The following STK32A variants were observed in gnomAD, a reference collection of about 807,000 sequenced individuals.
The protein encoded by STK32A is serine/threonine kinase 32A.
Under a neutral mutation model 53.2 loss-of-function variants are expected in STK32A, and 41 were observed. The observed-to-expected ratio is 0.77, with a 90% CI of 0.60 to 1.00. The LOEUF is 1.00. Among genes scored for constraint, STK32A ranks in the 50% least tolerant of loss-of-function variants. STK32A has a pLI of 0.00. For synonymous variants in STK32A, 166 were observed against 162.8 expected (o/e 1.02, Z -0.15); for missense variants, 458 against 485.8 (o/e 0.94, Z 0.54).
chr5:147,348,631 G>C (rs951907556), intron 6 of STK32A: 2 of 742,496 alleles, frequency 2.7e-6, no homozygotes, highest in Non-Finnish European at 5.0e-6. Flanking sequence ...GCAGACTAAA[G>C]TAGACAGTTG....
the STK32A span, among the ~76,000 whole-genome samples, chr5:147,394,693 A>AAG: frequency 6.6e-6 from 1 of 150,546 alleles, no homozygotes; most frequent in African/African-American, 2.4e-5. Context: ...AAAAAAAAAA[A>AAG]GGCAAAAACT....
chr5:147,352,211 C>G (rs1463635442), intron 7 of STK32A, among the ~76,000 whole-genome samples: 1 of 152,110 alleles, frequency 6.6e-6, no homozygotes, highest in East Asian at 1.9e-4. Context: ...GACTCTGTCT[C>G]TAAAAACAAA....
chr5:147,374,053 A>G (rs1468515393), intron 10 of STK32A, among the ~76,000 whole-genome samples: 1 of 152,074 alleles, frequency 6.6e-6, no homozygotes, highest in African/African-American at 2.4e-5. Flanking sequence ...TCAGCACTTT[A>G]GGAGGCCGAG....
rs188665790 is a variant in STK32A, at chr5:147,259,563, C to G, written c.53-18561C>G. Among the ~76,000 whole-genome samples, 380 of 150,088 alleles carry G rather than the reference C, an allele frequency of 2.5e-3. 1 individual carries two copies. The highest frequency in any genetic ancestry group is 3.6e-3 in the Non-Finnish European group (242 of 67,672). ...TGGCTTTTTTTTTTTTATTATTATA[C>G]TTTAAGTCCTAGGGTACATGTGCAC... On this transcript the variant is annotated intron_variant, in intron 2 of 12. Coordinates refer to ENST00000397936, the MANE Select transcript of STK32A (RefSeq NM_001112724.2).
chr5:147,297,486 A>T (rs1369063218), intron 4 of STK32A, among the ~76,000 whole-genome samples: 1 of 152,178 alleles, frequency 6.6e-6, no homozygotes, highest in Non-Finnish European at 1.5e-5. Context: ...TAGACCACAG[A>T]GTGGAGTGCT....
chr5:147,255,173 C>T (rs1424427770), intron 2 of STK32A, among the ~76,000 whole-genome samples: 1 of 152,158 alleles, frequency 6.6e-6, no homozygotes, highest in Admixed American at 6.5e-5. Flanking sequence ...AAGAATTGAA[C>T]ATACTGACAT....
At chr5:147,244,357 G>A (rs2151939476) in intron 2 of STK32A, among the ~76,000 whole-genome samples, 1 of 152,334 alleles carries the variant, frequency 6.6e-6, no homozygotes, top group South Asian at 2.1e-4. Flanking sequence ...GCAAATGTCT[G>A]TTCAAGTCCC....
chr5:147,270,333 C>T (rs933712035), intron 2 of STK32A, among the ~76,000 whole-genome samples: 4 of 152,038 alleles, frequency 2.6e-5, no homozygotes, highest in Admixed American at 1.3e-4. Context: ...CCATCTTAGC[C>T]TCCCAAGTAG....
At chr5:147,241,355 T>C (rs1004526931) in intron 2 of STK32A, among the ~76,000 whole-genome samples, 2 of 152,256 alleles carry the variant, frequency 1.3e-5, no homozygotes, top group East Asian at 3.9e-4. Context: ...GGTGGACGCC[T>C]GTAGTCCCAG....
chr5:147,349,119 C>T (rs1336296265), intron 6 of STK32A, among the ~76,000 whole-genome samples: 2 of 152,228 alleles, frequency 1.3e-5, no homozygotes, highest in Admixed American at 6.5e-5. Context: ...AAAACAGAGA[C>T]AACCTACGCT....
At chr5:147,397,469 C>G in the STK32A span, among the ~76,000 whole-genome samples, 6 of 152,100 alleles carry the variant, frequency 3.9e-5, no homozygotes, top group Non-Finnish European at 8.8e-5. Flanking sequence ...GGAAAAAAAG[C>G]TCTCTTTGAA....
chr5:147,259,444 T>C (rs34584308), intron 2 of STK32A, among the ~76,000 whole-genome samples: 35,413 of 152,058 alleles, frequency 0.23, 4,625 homozygotes, highest in Admixed American at 0.33. Flanking sequence ...TTTCAGGCTA[T>C]GCCCTTGTTT....
the STK32A span, chr5:147,394,212 A>G: frequency 3.0e-6 from 4 of 1,334,562 alleles, no homozygotes; most frequent in Admixed American, 7.4e-5. Flanking sequence ...GGTTAATTTT[A>G]AGAGTGCAAG....
chr5:147,235,931 A>T (rs1413267465), intron 1 of STK32A, among the ~76,000 whole-genome samples: 1 of 152,254 alleles, frequency 6.6e-6, no homozygotes, highest in Non-Finnish European at 1.5e-5. Context: ...TGAGAGTGTT[A>T]TTAACTTGGG....
chr5:147,306,260 G>A (rs1753402828), intron 4 of STK32A, among the ~76,000 whole-genome samples: 1 of 151,914 alleles, frequency 6.6e-6, no homozygotes, highest in African/African-American at 2.4e-5. Flanking sequence ...GTTGGGAAGT[G>A]CTTGTTTGAC....
At chr5:147,397,862 G>C in the STK32A span, 1 of 1,583,064 alleles carries the variant, frequency 6.3e-7, no homozygotes, top group East Asian at 2.3e-5. Context: ...GCAGGGGTGA[G>C]AAGCAAAGCC....
At chr5:147,365,990 CT>C (rs1251368097) in intron 8 of STK32A, among the ~76,000 whole-genome samples, 1 of 151,972 alleles carries the variant, frequency 6.6e-6, no homozygotes, top group Non-Finnish European at 1.5e-5. Context: ...CAGATATGAC[CT>C]TTTTTGTTAA....
At chr5:147,350,170 A>G (rs1398819892) in intron 6 of STK32A, among the ~76,000 whole-genome samples, 1 of 68,524 alleles carries the variant, frequency 1.5e-5, no homozygotes, top group African/African-American at 6.1e-5. Context: ...CCCCCCACCC[A>G]CCGCCCCCCG....
the STK32A span, among the ~76,000 whole-genome samples, chr5:147,396,382 G>T: frequency 3.8e-4 from 58 of 152,152 alleles, 1 homozygote; most frequent in Non-Finnish European, 1.6e-4. Context: ...TGGGAAACAC[G>T]GTACCTCCTG....
Sources: allele counts gnomAD v4.1 joint callset (sites outside exome capture counted in the v4.1 genomes callset), GRCh38; gene constraint gnomAD v4.1.1; transcripts MANE v1.5; gene names NCBI Gene and HGNC (gene_info 2026-07-23, HGNC 2026-07-21).